P4HA1: variants seen among roughly 807,000 people sequenced by gnomAD.
P4HA1 encodes the protein prolyl 4-hydroxylase subunit alpha-1.
P4HA1 carries 24 observed loss-of-function variants against 72.8 expected under a neutral mutation model. The ratio of observed to expected loss-of-function variants is 0.33; its 90% confidence interval spans 0.24 to 0.46. P4HA1 has a LOEUF of 0.46. Ranked by LOEUF, P4HA1 falls within the 20% of genes least tolerant of loss-of-function variation. The probability of loss-of-function intolerance (pLI) is 1.00; values close to 1 mark genes in which losing one functional copy is unlikely to be tolerated. For synonymous variants in P4HA1, 201 were observed against 218.8 expected, an observed-to-expected ratio of 0.92 and a Z score of 0.72; for missense variants, 446 against 640.6, an observed-to-expected ratio of 0.70 and a Z score of 3.28.
At chr10:73,013,213 C>T (rs35838791) in intron 12 of P4HA1, among the ~76,000 whole-genome samples, 7,515 of 152,254 alleles carry the variant, frequency 0.049, 249 homozygotes, top group Non-Finnish European at 0.071. Flanking sequence ...CGCTGACATT[C>T]GTCTGCAGTG....
chr10:73,055,879 G>A (rs1333889074), intron 5 of P4HA1, among the ~76,000 whole-genome samples: 1 of 152,098 alleles, frequency 6.6e-6, no homozygotes, highest in African/African-American at 2.4e-5. Context: ...TTACAGATGA[G>A]GAACTAAAAT....
chr10:73,026,872 G>A (rs917482004), intron 10 of P4HA1, among the ~76,000 whole-genome samples: 3 of 152,228 alleles, frequency 2.0e-5, no homozygotes, highest in Non-Finnish European at 2.9e-5. Context: ...GGTCATAAGA[G>A]AAATGCGAAG....
intron 5 of P4HA1, among the ~76,000 whole-genome samples, chr10:73,055,639 G>A (rs762159821): frequency 1.3e-5 from 2 of 152,188 alleles, no homozygotes; most frequent in African/African-American, 2.4e-5. Context: ...GTGTTATTAT[G>A]TCAACTCGCT....
intron 10 of P4HA1, among the ~76,000 whole-genome samples, chr10:73,027,791 T>C (rs78153009): frequency 0.17 from 20,228 of 117,450 alleles, 2,535 homozygotes; most frequent in African/African-American, 0.37. Context: ...CAAGCAAACA[T>C]GGAAGGAAGG....
chr10:73,036,203 A>T (rs1479872257), intron 9 of P4HA1, among the ~76,000 whole-genome samples: 1 of 151,804 alleles, frequency 6.6e-6, no homozygotes, highest in Non-Finnish European at 1.5e-5. Context: ...AAAAAAAAAA[A>T]ATCTTGATGA....
intron 5 of P4HA1, among the ~76,000 whole-genome samples, chr10:73,057,710 T>C (rs1456140926): frequency 1.3e-5 from 2 of 151,966 alleles, no homozygotes; most frequent in African/African-American, 2.4e-5. Flanking sequence ...TTCTTAACAA[T>C]GTGTTTCAAG....
chr10:73,033,656 C>T, intron 9 of P4HA1, among the ~76,000 whole-genome samples: 1 of 152,192 alleles, frequency 6.6e-6, no homozygotes, highest in East Asian at 1.9e-4. Context: ...CACAAATGGT[C>T]ATGGGACACT....
intron 13 of P4HA1, 146 bp downstream of exon 13, chr10:73,010,823 G>T: frequency 1.6e-6 from 1 of 617,762 alleles, no homozygotes; most frequent in Non-Finnish European, 2.9e-6. Context: ...ATACTGCTGG[G>T]CTCCAGCCTG....
At chr10:73,009,488 G>C (rs570235134) in intron 14 of P4HA1, among the ~76,000 whole-genome samples, 1 of 152,226 alleles carries the variant, frequency 6.6e-6, no homozygotes, top group Admixed American at 6.5e-5. Flanking sequence ...TTACATTTTT[G>C]TATTAATATG....
At chr10:73,021,195 G>T (rs1840127291) in intron 10 of P4HA1, among the ~76,000 whole-genome samples, 1 of 151,898 alleles carries the variant, frequency 6.6e-6, no homozygotes, top group Admixed American at 6.6e-5. Flanking sequence ...AAGAGAAAGG[G>T]GCATGCTCAT....
At chr10:73,060,018 T>C (rs1841275205) in intron 5 of P4HA1, among the ~76,000 whole-genome samples, 1 of 151,882 alleles carries the variant, frequency 6.6e-6, no homozygotes, top group Admixed American at 6.6e-5. Flanking sequence ...GGAAATGAAA[T>C]AAATGAACTC....
intron 9 of P4HA1, among the ~76,000 whole-genome samples, chr10:73,031,729 G>A (rs903648325): frequency 6.6e-6 from 1 of 152,152 alleles, no homozygotes; most frequent in African/African-American, 2.4e-5. Flanking sequence ...ATTGGTTATA[G>A]TTGCACAAGG....
Position 73,007,953 on chromosome 10 carries a change from T to G in P4HA1, c.*269A>C. The G allele has an allele frequency of 3.1e-6, 1 of 327,398 alleles. No homozygotes were observed. The highest frequency in any genetic ancestry group is 1.1e-4 in the South Asian group (1 of 8,904). The allele number at this position is 327,398 out of a possible 1,614,324, so 20.3% of individuals were successfully genotyped here. ...GTTTTTATCCAACCAAAAAGTTCTT[T>G]AAATATAAAATTCCTCACTTTAAAC... On this transcript the variant is annotated 3_prime_UTR_variant, in exon 15 of 15. Transcript: ENST00000394890.
At chr10:73,016,728 G>C (rs900767099) in intron 11 of P4HA1, 118 bp downstream of exon 11, 203 of 643,280 alleles carry the variant, frequency 3.2e-4, no homozygotes, top group South Asian at 7.6e-4. Flanking sequence ...AGTGAGCCAA[G>C]ATCGTGCTAC....
chr10:73,073,868 A>G, intron 2 of P4HA1, 41 bp from the exon 3 acceptor site: 1 of 888,240 alleles, frequency 1.1e-6, no homozygotes, highest in Non-Finnish European at 1.9e-6. Flanking sequence ...ATATCCTTCA[A>G]CACAAGTATG....
At chr10:73,046,882 A>T (rs1434037700) in intron 8 of P4HA1, 43 bp downstream of exon 8, 1 of 1,345,370 alleles carries the variant, frequency 7.4e-7, no homozygotes, top group Non-Finnish European at 1.0e-6. Context: ...AATTGATACA[A>T]AGGTACAGTA....
chr10:73,019,043 CAAG>C (rs146595438), intron 10 of P4HA1, among the ~76,000 whole-genome samples: 6,548 of 152,146 alleles, frequency 0.043, 477 homozygotes, highest in African/African-American at 0.15. Flanking sequence ...GACCTGCCAC[CAAG>C]AAGACTCCCA....
At chr10:73,092,852 G>A (rs1377506279) in intron 1 of P4HA1, among the ~76,000 whole-genome samples, 1 of 151,842 alleles carries the variant, frequency 6.6e-6, no homozygotes, top group African/African-American at 2.4e-5. Context: ...CAGGCATGGT[G>A]GCTCACACCT....
chr10:73,008,836 T>G (rs1386079266), intron 14 of P4HA1, among the ~76,000 whole-genome samples: 1 of 152,070 alleles, frequency 6.6e-6, no homozygotes, highest in Non-Finnish European at 1.5e-5. Flanking sequence ...ATTTTTTTTT[T>G]GTCTCTGGTA....
Sources: allele counts gnomAD v4.1 joint callset (sites outside exome capture counted in the v4.1 genomes callset), GRCh38; gene constraint gnomAD v4.1.1; transcripts MANE v1.5; gene names NCBI Gene and HGNC (gene_info 2026-07-23, HGNC 2026-07-21).